Variants in SLC13A4 observed in about 807,000 individuals in gnomAD.
The protein encoded by SLC13A4 is solute carrier family 13 member 4.
A neutral mutation model predicts 72.7 loss-of-function variants in SLC13A4; 28 were observed. The ratio of observed to expected loss-of-function variants is 0.39; its 90% CI spans 0.29 to 0.53. The LOEUF (loss-of-function observed/expected upper bound fraction) is 0.53. SLC13A4 is among the 20% of genes least tolerant of loss of function. The probability of loss-of-function intolerance (pLI) is 0.78; values close to 1 mark genes in which losing one functional copy is unlikely to be tolerated. For missense variants in SLC13A4, 653 were observed against 788.0 expected (o/e 0.83, Z 2.05); for synonymous variants, 312 against 325.5 (o/e 0.96, Z 0.45).
At chr7:135,686,361 T>C (rs2129493778) in intron 13 of SLC13A4, among the ~76,000 whole-genome samples, 1 of 152,268 alleles carries the variant, frequency 6.6e-6, no homozygotes, top group South Asian at 2.1e-4. Context: ...TTAGTTCTAC[T>C]ATCTGTCAGG....
rs200809859 is a variant in SLC13A4 at position 135,708,159 on chromosome 7, C to A, written c.320G>T (p.Arg107Leu). The change falls in exon 3 of 16, where the codon CGC becomes CTC. Residue 107 changes from arginine to leucine, a missense_variant. By Grantham distance (102) the Arg-to-Leu change is moderately radical. Transcript: ENST00000682651. ...CATCAAGACCATGCGCAGAGCAATGCGCTTATGCAGGTTCCACTTCTCCAC... is the reference window on the plus strand; with the variant it reads ...CATCAAGACCATGCGCAGAGCAATGAGCTTATGCAGGTTCCACTTCTCCAC... The part of the protein sequence containing the change: ...AAVEKWNLHK[R>L]IALRMVLMAG... The A allele has an allele frequency of 6.2e-7, 1 of 1,614,200 alleles. No homozygotes were observed. The highest frequency in any genetic ancestry group is 1.1e-5 in the South Asian group (1 of 91,086).
chr7:135,695,609 G>A, intron 8 of SLC13A4, 122 bp from the exon 9 acceptor site: 17 of 1,141,742 alleles, frequency 1.5e-5, no homozygotes, highest in Non-Finnish European at 2.1e-5. Flanking sequence ...TAATGATAAC[G>A]ATATGGTAAA....
intron 1 of SLC13A4, among the ~76,000 whole-genome samples, chr7:135,724,519 A>G (rs1315776788): frequency 3.5e-5 from 3 of 84,806 alleles, no homozygotes; most frequent in Non-Finnish European, 6.6e-5. Flanking sequence ...AAAAAAAAAA[A>G]AAAGAAGAAA....
At chr7:135,703,829 T>C (rs1796098250) in intron 5 of SLC13A4, 2 of 152,222 alleles carry the variant, frequency 1.3e-5, no homozygotes, top group African/African-American at 4.8e-5. Context: ...GAGGGAAGTG[T>C]TCTTTGGAGT....
intron 2 of SLC13A4, among the ~76,000 whole-genome samples, chr7:135,720,796 T>C (rs894200238): frequency 1.4e-4 from 22 of 152,160 alleles, no homozygotes; most frequent in African/African-American, 5.3e-4. Flanking sequence ...TGTTTGAGCT[T>C]TTGAGAAGGC....
In SLC13A4 at chr7:135,721,482, G is replaced by A. The variant is rs965489704; in HGVS notation, c.141C>T (p.Tyr47=). The A allele has an allele frequency of 1.2e-6, 2 of 1,614,032 alleles. No individual in the cohort carries two copies. The highest frequency in any genetic ancestry group is 2.7e-5 in the African/African-American group (2 of 74,938). ...CAYVLIVTAV[Y]WVSEAVPLGA... ...CCAGAGGCACTGCCTCCGACACCCA[G>A]TACACAGCAGTCACGATCAGCACGT... The change falls in exon 2 of 16, where the codon TAC becomes TAT. Residue 47 remains tyrosine, a synonymous_variant. Transcript: ENST00000682651.
chr7:135,694,362 A>G lies in SLC13A4; in HGVS notation c.1020-124T>C, dbSNP rs1795856602. The G allele has an allele frequency of 6.4e-6, 4 of 624,284 alleles. No individual in the cohort carries two copies. In the East Asian group the frequency reaches 8.3e-5, roughly 13 times the overall value. 38.7% of individuals were successfully genotyped at this position (624,284 alleles called of 1,614,324 possible). ...ACTTTTCTCCTCTTTCACATGCTCT[A>G]TCCCTCTATCCCCCACCTATTCATA... On this transcript the variant is annotated intron_variant, in intron 9 of 15. Transcript: ENST00000682651.
At chr7:135,685,810 A>T in intron 13 of SLC13A4, 127 bp from the exon 14 acceptor site, 1 of 823,720 alleles carries the variant, frequency 1.2e-6, no homozygotes, top group Non-Finnish European at 1.9e-6. Context: ...CTTTAGTCTG[A>T]CTGGAACCAG....
chr7:135,705,838 C>T, intron 4 of SLC13A4, 188 bp from the exon 5 acceptor site: 1 of 607,394 alleles, frequency 1.6e-6, no homozygotes, highest in East Asian at 2.8e-5. Flanking sequence ...TTGCAGTGAT[C>T]CTTGAGCATT....
chr7:135,725,092 G>T (rs1796628745), intron 1 of SLC13A4, among the ~76,000 whole-genome samples: 1 of 152,296 alleles, frequency 6.6e-6, no homozygotes, highest in Admixed American at 6.5e-5. Flanking sequence ...GGTATGTGGG[G>T]GTTGGGCATT....
Position 135,694,157 on chromosome 7 carries a change from A to G in SLC13A4, c.1101T>C (p.Tyr367=), listed in dbSNP as rs751194372. ...QLSEKRIQEE[Y]EKLGDISYPE... The stretch of plus-strand genomic sequence containing the variant: ...TTTACCTAATGTCTCCCAGTTTTTC[A>G]TATTCTTCTTGGATCCTCTTCTCTG... The change falls in exon 10 of 16, where the codon TAT becomes TAC. Residue 367 remains tyrosine (Y), a synonymous_variant. Coordinates refer to ENST00000682651, the MANE Select transcript of SLC13A4 (RefSeq NM_001318192.2). 2.5e-6 allele frequency: 4 copies of G among 1,610,330 alleles called. No individual in the cohort carries two copies. Among genetic ancestry groups the G allele is most frequent in the East Asian group, 4.5e-5 (2 of 44,846 alleles).
At chr7:135,703,124 A>C (rs1462137345) in intron 5 of SLC13A4, 2 of 551,752 alleles carry the variant, frequency 3.6e-6, no homozygotes, top group Non-Finnish European at 6.5e-6. Context: ...TTTGATATTA[A>C]CAATCGTCCT....
At chr7:135,683,321 AAAAGGAT>A in intron 15 of SLC13A4, 6 of 844,702 alleles carry the variant, frequency 7.1e-6, no homozygotes, top group South Asian at 5.4e-5. Context: ...AAAAAAAAAA[AAAAGGAT>A]AAAAAAGGAC....
chr7:135,691,326 C>G lies in SLC13A4; in HGVS notation c.1322-1G>C. ...CCCAGTGAGTGCTCCTGGTTCTCTC[C>G]TGGATTAGAGAGAGATGTAAAGCCA... On this transcript the variant is annotated splice_acceptor_variant, in intron 12 of 15. Coordinates refer to ENST00000682651, the MANE Select transcript of SLC13A4 (RefSeq NM_001318192.2). LOFTEE classifies it high-confidence loss of function. 1 of 1,609,838 alleles carries G rather than the reference C, an allele frequency of 6.2e-7. No individual in the cohort carries two copies. Among genetic ancestry groups the G allele is most frequent in the South Asian group, 1.1e-5 (1 of 90,720 alleles).
At chr7:135,690,180 CAAAAAAAAA>C (rs57390577) in intron 13 of SLC13A4, among the ~76,000 whole-genome samples, 6 of 29,632 alleles carry the variant, frequency 2.0e-4, no homozygotes, top group East Asian at 2.4e-3. Context: ...GACTCTGTCT[CAAAAAAAAA>C]AAAAAAAAAA....
chr7:135,702,654 GC>G (rs2129494574), intron 6 of SLC13A4, 190 bp downstream of exon 6: 1 of 586,680 alleles, frequency 1.7e-6, no homozygotes, highest in South Asian at 1.9e-5. Context: ...GGGAGTACAG[GC>G]ATGAGCCACC....
intron 3 of SLC13A4, chr7:135,707,815 T>G: frequency 3.9e-6 from 1 of 255,258 alleles, no homozygotes; most frequent in Non-Finnish European, 7.4e-6. Flanking sequence ...GGGAAACAAT[T>G]TCTCTTGGTC....
rs146283109 is a variant in SLC13A4 at position 135,682,561 on chromosome 7, G to A, written c.1747-861C>T. On this transcript the variant is annotated intron_variant, in intron 15 of 15. Coordinates refer to ENST00000682651, the MANE Select transcript of SLC13A4 (RefSeq NM_001318192.2). ...GTCCTCTCTCTCCTGCCGTCTGGTC[G>A]GGGCCCCCTGGGCATTTTGGCATGG... is the stretch of plus-strand genomic sequence containing the variant. Among the ~76,000 whole-genome samples, 4 of 152,212 alleles carry A rather than the reference G, an allele frequency of 2.6e-5. No homozygotes were observed. In the South Asian group the frequency reaches 8.3e-4, roughly 32 times the overall value.
At chr7:135,716,349 G>A (rs1796434572) in intron 2 of SLC13A4, among the ~76,000 whole-genome samples, 1 of 152,150 alleles carries the variant, frequency 6.6e-6, no homozygotes, top group African/African-American at 2.4e-5. Flanking sequence ...CTGTCATCCA[G>A]GCTGGAGTGC....
Sources: gnomAD v4.1 joint callset for allele counts (sites outside exome capture counted in the v4.1 genomes callset) on GRCh38, gnomAD v4.1.1 for gene constraint, MANE v1.5 for transcripts, NCBI Gene and HGNC (gene_info 2026-07-23, HGNC 2026-07-21) for gene names.